Variants in CSMD1 observed in about 807,000 individuals in gnomAD.
CSMD1 encodes CUB and sushi domain-containing protein 1.
Under a neutral mutation model 417.5 loss-of-function variants are expected in CSMD1, and 213 were observed. The observed-to-expected ratio is 0.51, with a 90% CI of 0.46 to 0.57. The LOEUF (loss-of-function observed/expected upper bound fraction) is 0.57. Ranked by LOEUF, CSMD1 falls within the 20% of genes least tolerant of loss-of-function variation. The probability of loss-of-function intolerance (pLI) is 0.00; values close to 1 mark genes in which losing one functional copy is unlikely to be tolerated. For synonymous variants in CSMD1, 2,862 were observed against 1,736.8 expected, an observed-to-expected ratio of 1.65 and a Z score of -16.11; for missense variants, 6,923 against 4,529.7, an observed-to-expected ratio of 1.53 and a Z score of -15.17.
chr8:3,932,156 T>C (rs1229481489), intron 5 of CSMD1, among the ~76,000 whole-genome samples: 1 of 150,318 alleles, frequency 6.7e-6, no homozygotes, highest in Admixed American at 6.6e-5. Flanking sequence ...AGTGCTGGAA[T>C]GAAACTCAGA....
At chr8:2,980,611 G>A (rs1805324579) in intron 54 of CSMD1, among the ~76,000 whole-genome samples, 1 of 152,160 alleles carries the variant, frequency 6.6e-6, no homozygotes, top group Non-Finnish European at 1.5e-5. Context: ...CTCCTTGCAG[G>A]CAGAGAACCA....
intron 2 of CSMD1, among the ~76,000 whole-genome samples, chr8:4,614,469 T>G (rs1330922143): frequency 2.0e-5 from 3 of 152,174 alleles, no homozygotes; most frequent in African/African-American, 7.2e-5. Flanking sequence ...CTTAGTAAAT[T>G]ATGTCACCTC....
At chr8:3,416,820 G>A (rs1022694952) in intron 12 of CSMD1, among the ~76,000 whole-genome samples, 1 of 152,216 alleles carries the variant, frequency 6.6e-6, no homozygotes, top group African/African-American at 2.4e-5. Context: ...ACAAGTAGAT[G>A]AGAACTCCAT....
chr8:3,993,043 C>G (rs924864037), intron 5 of CSMD1, among the ~76,000 whole-genome samples: 23 of 152,092 alleles, frequency 1.5e-4, no homozygotes, highest in Non-Finnish European at 3.1e-4. Flanking sequence ...GAGCCCTGGA[C>G]CAGAAAAGAC....
intron 1 of CSMD1, among the ~76,000 whole-genome samples, chr8:4,652,422 G>T (rs917117685): frequency 6.6e-6 from 1 of 152,044 alleles, no homozygotes; most frequent in African/African-American, 2.4e-5. Flanking sequence ...GAGGAAGTGG[G>T]AATTTCCATT....
chr8:3,044,252 CAA>C (rs1311982793), intron 50 of CSMD1, among the ~76,000 whole-genome samples: 2 of 152,144 alleles, frequency 1.3e-5, no homozygotes, highest in African/African-American at 4.8e-5. Flanking sequence ...CAATCAATGC[CAA>C]ATGTTGGGTA....
rs943619101 is a variant in CSMD1 at position 4,906,741 on chromosome 8, G to C, written c.85+87591C>G. Among the ~76,000 whole-genome samples the C allele has an allele frequency of 2.6e-5, 4 of 152,018 alleles. No homozygotes were observed. The South Asian group carries it at 8.3e-4, about 32-fold the overall frequency. Reference sequence around the variant, plus strand: ...CCAGCTAATTTTTGTATTTTTTTTAGTAGAGACGGGGTTTCACCATGCTGG... The same window carrying C: ...CCAGCTAATTTTTGTATTTTTTTTACTAGAGACGGGGTTTCACCATGCTGG... On this transcript the variant is annotated intron_variant, in intron 1 of 69. Transcript: ENST00000635120.
chr8:4,958,169 G>A (rs760847488), intron 1 of CSMD1, among the ~76,000 whole-genome samples: 4 of 151,978 alleles, frequency 2.6e-5, no homozygotes, highest in South Asian at 2.1e-4. Flanking sequence ...ATGTTGTTTC[G>A]ATCAATTTGT....
At chr8:3,759,005 A>G (rs1249789375) in intron 5 of CSMD1, among the ~76,000 whole-genome samples, 1 of 152,204 alleles carries the variant, frequency 6.6e-6, no homozygotes, top group Non-Finnish European at 1.5e-5. Context: ...ATACCTTTAT[A>G]ACTGGAAACG....
chr8:4,196,067 C>T (rs564988785), intron 3 of CSMD1, among the ~76,000 whole-genome samples: 3 of 151,966 alleles, frequency 2.0e-5, no homozygotes, highest in South Asian at 2.1e-4. Context: ...AAAAATTAGC[C>T]GGGCGTGGTG....
intron 1 of CSMD1, among the ~76,000 whole-genome samples, chr8:4,896,980 T>G (rs1804537737): frequency 6.6e-6 from 1 of 152,134 alleles, no homozygotes; most frequent in Non-Finnish European, 1.5e-5. Context: ...TCTTTCATTT[T>G]TGTGATGTGT....
At chr8:3,945,542 T>C (rs1183403445) in intron 5 of CSMD1, among the ~76,000 whole-genome samples, 1 of 151,434 alleles carries the variant, frequency 6.6e-6, no homozygotes, top group African/African-American at 2.4e-5. Flanking sequence ...TTGATTCATA[T>C]AACTTTTGAG....
rs74879464 is a variant in CSMD1, at chr8:3,803,264, C to T, written c.819-49222G>A. On this transcript the variant is annotated intron_variant, in intron 5 of 69. Transcript: ENST00000635120. Reference sequence around the variant, plus strand: ...ACTGCTTGGCATAAAGTCAGGAACACGGGTTCTCATTGCATAAAGTTGACG... The same window carrying T: ...ACTGCTTGGCATAAAGTCAGGAACATGGGTTCTCATTGCATAAAGTTGACG... Among the ~76,000 whole-genome samples the T allele has an allele frequency of 6.7e-3, 1,015 of 152,278 alleles. 5 individuals are homozygous for T. Among genetic ancestry groups the T allele is most frequent in the Non-Finnish European group, 0.011 (762 of 68,016 alleles).
intron 41 of CSMD1, among the ~76,000 whole-genome samples, chr8:3,134,728 A>T (rs1817983382): frequency 6.6e-6 from 1 of 152,114 alleles, no homozygotes; most frequent in Non-Finnish European, 1.5e-5. Flanking sequence ...CTTGGCTGAC[A>T]CTACTACTTT....
intron 3 of CSMD1, among the ~76,000 whole-genome samples, chr8:4,195,608 T>C (rs1476943933): frequency 6.6e-6 from 1 of 152,028 alleles, no homozygotes; most frequent in Non-Finnish European, 1.5e-5. Context: ...CTGTGTGATA[T>C]TATATAAGGC....
At chr8:3,870,869 A>G (rs1805437853) in intron 5 of CSMD1, among the ~76,000 whole-genome samples, 1 of 152,218 alleles carries the variant, frequency 6.6e-6, no homozygotes, top group East Asian at 1.9e-4. Flanking sequence ...GGTTCCTTAG[A>G]TGCCTGAGTT....
chr8:4,495,323 C>G (rs562483813), intron 2 of CSMD1, among the ~76,000 whole-genome samples: 5 of 152,156 alleles, frequency 3.3e-5, no homozygotes, highest in Admixed American at 6.5e-5. Flanking sequence ...CGCCTGTAAT[C>G]CCAGCACTTT....
chr8:3,506,082 C>G (rs1450298880), intron 10 of CSMD1, among the ~76,000 whole-genome samples: 1 of 152,156 alleles, frequency 6.6e-6, no homozygotes, highest in African/African-American at 2.4e-5. Context: ...AGCCCTGGGG[C>G]TGTGTTCTCA....
chr8:4,039,443 C>T (rs886406307), intron 3 of CSMD1, among the ~76,000 whole-genome samples: 15 of 152,162 alleles, frequency 9.9e-5, no homozygotes, highest in African/African-American at 1.9e-4. Context: ...ATCGGATTTC[C>T]TAGTCTTGAA....
Sources: allele counts gnomAD v4.1 joint callset (sites outside exome capture counted in the v4.1 genomes callset), GRCh38; gene constraint gnomAD v4.1.1; transcripts MANE v1.5; gene names NCBI Gene and HGNC (gene_info 2026-07-23, HGNC 2026-07-21).